Variants in GDNF observed in about 807,000 individuals in gnomAD.
GDNF encodes the protein glial cell derived neurotrophic factor, also known as glial cell line-derived neurotrophic factor.
In GDNF, 5 loss-of-function variants were observed where a neutral mutation model predicts 13.7. The observed-to-expected ratio is 0.36, with a 90% CI of 0.19 to 0.77. The LOEUF is 0.77. Ranked by LOEUF, GDNF falls within the 30% of genes least tolerant of loss-of-function variation. The pLI is 0.51. For missense variants in GDNF, 246 were observed against 274.3 expected (o/e 0.90, Z 0.73); for synonymous variants, 122 against 112.5 (o/e 1.08, Z -0.53).
chr5:37,834,988 T>G, intron 1 of GDNF, 166 bp from the exon 2 acceptor site: 1 of 628,208 alleles, frequency 1.6e-6, no homozygotes, highest in South Asian at 2.0e-5. Flanking sequence ...AAGTCCCCAG[T>G]TCGCTTCTCC....
intron 1 of GDNF, 154 bp from the exon 2 acceptor site, chr5:37,834,976 G>T (rs975492534): frequency 3.3e-5 from 22 of 659,758 alleles, no homozygotes; most frequent in Non-Finnish European, 5.6e-5. Flanking sequence ...TGCCCTCCTT[G>T]CAAGTCCCCA....
At chr5:37,818,039 C>T (rs1429910026) in intron 2 of GDNF, among the ~76,000 whole-genome samples, 3 of 152,216 alleles carry the variant, frequency 2.0e-5, no homozygotes, top group Non-Finnish European at 4.4e-5. Flanking sequence ...TGTTTCTCTT[C>T]TTGTTCCCTC....
chr5:37,821,946 C>T (rs999524348), intron 2 of GDNF, among the ~76,000 whole-genome samples: 1 of 152,198 alleles, frequency 6.6e-6, no homozygotes, highest in Non-Finnish European at 1.5e-5. Flanking sequence ...TGTCTTAAAA[C>T]AGTACAGGTT....
At chr5:37,819,605 A>C (rs1044393750) in intron 2 of GDNF, among the ~76,000 whole-genome samples, 4 of 151,828 alleles carry the variant, frequency 2.6e-5, no homozygotes, top group African/African-American at 9.7e-5. Flanking sequence ...GGTGCCCGCC[A>C]TCACACCCGG....
At chr5:37,821,120 G>A (rs924452584) in intron 2 of GDNF, among the ~76,000 whole-genome samples, 1 of 152,122 alleles carries the variant, frequency 6.6e-6, no homozygotes, top group Admixed American at 6.5e-5. Context: ...GGCATTAGGC[G>A]CCATACTCCT....
chr5:37,829,345 C>G (rs1750437449), intron 2 of GDNF, among the ~76,000 whole-genome samples: 2 of 152,154 alleles, frequency 1.3e-5, no homozygotes, highest in African/African-American at 4.8e-5. Context: ...GCTATGATAC[C>G]CAAATCCCAG....
In GDNF at chr5:37,838,336, A is replaced by C. The variant is rs1441362304; in HGVS notation, c.-27+1171T>G. On this transcript the variant is annotated intron_variant, in intron 1 of 2. Coordinates refer to ENST00000326524, the MANE Select transcript of GDNF (RefSeq NM_000514.4). This position sits in a 1 kb window ranked among gnomAD's most constrained non-coding sequence, Gnocchi z 4.1. ...TCCCTGACAAAGCGAAGGCGCAGCGAAACAGTACGAGTTTGGTCGAGGCCG... is the reference window on the plus strand; with the variant it reads ...TCCCTGACAAAGCGAAGGCGCAGCGCAACAGTACGAGTTTGGTCGAGGCCG... 2.0e-5 allele frequency among the ~76,000 whole-genome samples: 3 copies of C among 152,242 alleles called. No individual in the cohort carries two copies.
intron 2 of GDNF, among the ~76,000 whole-genome samples, chr5:37,831,543 A>C (rs1475513299): frequency 6.6e-6 from 1 of 152,216 alleles, no homozygotes; most frequent in Admixed American, 6.5e-5. Flanking sequence ...GGTCTAAATC[A>C]TTAGTTCAAG....
At chr5:37,821,871 A>C (rs1750153229) in intron 2 of GDNF, among the ~76,000 whole-genome samples, 2 of 152,226 alleles carry the variant, frequency 1.3e-5, no homozygotes, top group Non-Finnish European at 2.9e-5. Context: ...AAATTACATA[A>C]TCCAAAACAT....
intron 2 of GDNF, among the ~76,000 whole-genome samples, chr5:37,820,653 A>G (rs1750102221): frequency 6.6e-6 from 1 of 152,206 alleles, no homozygotes; most frequent in African/African-American, 2.4e-5. Context: ...GGGGATGTTG[A>G]CAATGGAGGA....
intron 2 of GDNF, among the ~76,000 whole-genome samples, chr5:37,821,374 A>G (rs1750133387): frequency 6.6e-6 from 1 of 152,236 alleles, no homozygotes; most frequent in Admixed American, 6.5e-5. Flanking sequence ...AATGTCAGAT[A>G]TGCAAATGAC....
intron 2 of GDNF, among the ~76,000 whole-genome samples, chr5:37,831,725 C>T (rs550157096): frequency 4.3e-4 from 65 of 152,348 alleles, no homozygotes; most frequent in Admixed American, 7.8e-4. Context: ...GGTTTCCTTT[C>T]AGCTCGAAAA....
Position 37,828,236 on chromosome 5 carries a change from G to T in GDNF, c.151+6410C>A, listed in dbSNP as rs534176569. On this transcript the variant is annotated intron_variant, in intron 2 of 2. Coordinates refer to ENST00000326524, the MANE Select transcript of GDNF (RefSeq NM_000514.4). ...CCACAAGGCCTCCCGAATGCTGTCT[G>T]CCTACCAAGCACTTGAGGAGACCTT... 3.9e-5 allele frequency among the ~76,000 whole-genome samples: 6 copies of T among 152,348 alleles called. No individual in the cohort carries two copies. The South Asian group carries it at 1.2e-3, about 32-fold the overall frequency.
rs1274403802 is a variant in GDNF, at chr5:37,838,100, T to C, written c.-27+1407A>G. Among the ~76,000 whole-genome samples the C allele has an allele frequency of 6.6e-6, 1 of 151,760 alleles. No homozygotes were observed. The highest frequency in any genetic ancestry group is 1.5e-5 in the Non-Finnish European group (1 of 67,962). ...GTGTCCTTGACTGACAGAGGACTTA[T>C]TCTCCCCTCAACCCCCCATAACTGC... On this transcript the variant is annotated intron_variant, in intron 1 of 2. Transcript: ENST00000326524. The surrounding 1 kb of genome is among the most constrained non-coding windows in gnomAD (Gnocchi z 4.1).
chr5:37,815,589 C>G lies in GDNF; in HGVS notation c.*62G>C, dbSNP rs944493852. ...ATTCTGGGCAAACATTTCCTGGGAA[C>G]CTTGGTCCCTTTCTTTGCACTGTAG... On this transcript the variant is annotated 3_prime_UTR_variant, in exon 3 of 3. Coordinates refer to ENST00000326524, the MANE Select transcript of GDNF (RefSeq NM_000514.4). This position sits in a 1 kb window ranked among gnomAD's most constrained non-coding sequence, Gnocchi z 5.0. The G allele has an allele frequency of 1.5e-5, 23 of 1,521,372 alleles. No individual in the cohort carries two copies. In the Admixed American group the frequency reaches 3.2e-4, roughly 21 times the overall value. 94.2% of individuals were successfully genotyped at this position (1,521,372 alleles called of 1,614,324 possible).
chr5:37,834,109 G>C (rs150389254), intron 2 of GDNF, among the ~76,000 whole-genome samples: 9 of 152,330 alleles, frequency 5.9e-5, no homozygotes, highest in Non-Finnish European at 1.2e-4. Context: ...GAACAGATTT[G>C]ACATTACCCA....
intron 2 of GDNF, among the ~76,000 whole-genome samples, chr5:37,817,604 A>AGT (rs34626556): frequency 0.055 from 8,204 of 149,336 alleles, 242 homozygotes; most frequent in African/African-American, 0.079. Context: ...GTGTGTGTAG[A>AGT]GTGTGTGTGT....
chr5:37,832,707 T>TATG (rs1402480758), intron 2 of GDNF, among the ~76,000 whole-genome samples: 1 of 152,204 alleles, frequency 6.6e-6, no homozygotes, highest in East Asian at 1.9e-4. Context: ...TTGTACCTTA[T>TATG]ATGAGCCAAA....
intron 1 of GDNF, chr5:37,835,635 A>T (rs779842456): frequency 1.3e-6 from 2 of 1,549,730 alleles, no homozygotes; most frequent in South Asian, 2.4e-5. Flanking sequence ...ATGCTTTACC[A>T]TTGCTGTTAG....
Sources: allele counts gnomAD v4.1 joint callset (sites outside exome capture counted in the v4.1 genomes callset), GRCh38; gene constraint gnomAD v4.1.1; non-coding constraint Gnocchi (gnomAD v3.1); transcripts MANE v1.5; gene names NCBI Gene and HGNC (gene_info 2026-07-23, HGNC 2026-07-21).